The following ANKAR variants were observed in gnomAD, a reference collection of about 807,000 sequenced individuals.
The protein encoded by ANKAR is ankyrin and armadillo repeat containing, also known as ankyrin and armadillo repeat-containing protein.
Under a neutral mutation model 146.2 loss-of-function variants are expected in ANKAR, and 136 were observed. That is an observed-to-expected ratio of 0.93 (90% CI 0.81 to 1.07). The LOEUF (loss-of-function observed/expected upper bound fraction) is 1.07. ANKAR is among the 50% of genes least tolerant of loss of function. The pLI is 0.00. For synonymous variants in ANKAR, 500 were observed against 575.8 expected (o/e 0.87, Z 1.88); for missense variants, 1,567 against 1,679.9 (o/e 0.93, Z 1.18).
chr2:189,680,389 C>T (rs1014912597), intron 2 of ANKAR, among the ~76,000 whole-genome samples: 2 of 151,974 alleles, frequency 1.3e-5, no homozygotes, highest in African/African-American at 4.8e-5. Context: ...AAAAAACCAG[C>T]TTTTTGTTTC....
chr2:189,755,266 TC>T, intron 18 of ANKAR: 4 of 1,613,494 alleles, frequency 2.5e-6, no homozygotes, highest in Non-Finnish European at 3.4e-6. Flanking sequence ...GACAGTGACC[TC>T]CAGAAATCAA....
At chr2:189,749,281 A>C (rs1245359459), downstream of ANKAR, among the ~76,000 whole-genome samples, 1 of 76,630 alleles carries the variant, frequency 1.3e-5, no homozygotes. Flanking sequence ...TATTTTTATT[A>C]CTCCACGGTT....
At chr2:189,750,775 T>C, downstream of ANKAR, 1 of 668,442 alleles carries the variant, frequency 1.5e-6, no homozygotes, top group South Asian at 2.7e-5. Flanking sequence ...TCATCATATG[T>C]GGTGATGATT....
At chr2:189,683,182 G>A (rs1360090174) in intron 2 of ANKAR, among the ~76,000 whole-genome samples, 1 of 152,154 alleles carries the variant, frequency 6.6e-6, no homozygotes, top group Non-Finnish European at 1.5e-5. Context: ...CTTTACAGCT[G>A]TGAGAAATAA....
Position 189,677,346 on chromosome 2 carries a change from A to G in ANKAR, c.601+255A>G, listed in dbSNP as rs574114243. Among the ~76,000 whole-genome samples the G allele has an allele frequency of 5.3e-5, 8 of 152,242 alleles. 1 individual carries two copies. The East Asian group carries it at 1.5e-3, about 29-fold the overall frequency. ...ACAGGTGGTTTTTGGTTACATGGCT[A>G]AGTTCTTTAGTGGTGATTTCTGAGA... On this transcript the variant is annotated intron_variant, in intron 2 of 22. Transcript: ENST00000684021.
intron 2 of ANKAR, among the ~76,000 whole-genome samples, chr2:189,685,120 C>T (rs111533674): frequency 0.044 from 6,628 of 152,118 alleles, 175 homozygotes; most frequent in Middle Eastern, 0.071. Context: ...ATCTTCCTGC[C>T]TCAGCCTCCT....
rs1182247260 is a variant in ANKAR at position 189,728,811 on chromosome 2, C to G, written c.3183C>G (p.Ser1061=). 1 of 1,612,962 alleles carries G rather than the reference C, an allele frequency of 6.2e-7. No individual in the cohort carries two copies. The highest frequency in any genetic ancestry group is 8.5e-7 in the Non-Finnish European group (1 of 1,179,476). Residue 1061 remains serine (S), a synonymous_variant, in exon 15 of 23, where the codon TCC becomes TCG. Transcript: ENST00000684021. ...TLLSVIRAVG[S]ICIGVAHTSN... ...TCAGTGTCATCAGAGCAGTGGGATC[C>G]ATTTGTATTGGTTTGTATACTTATT...
At position 189,676,604 on chromosome 2, in the gene ANKAR, T is replaced by C. The variant is rs572157612; in HGVS notation, c.114T>C (p.Tyr38=). The C allele has an allele frequency of 2.2e-5, 36 of 1,613,712 alleles. No individual in the cohort carries two copies. Among genetic ancestry groups the C allele is most frequent in the Admixed American group, 1.3e-4 (8 of 60,020 alleles). Residue 38 remains tyrosine (Y), a synonymous_variant, in exon 2 of 23, where the codon TAT becomes TAC. Transcript: ENST00000684021. ...QRNASAFFEK[Y]DRSEIQELLT... ...ATGCATCTGCTTTTTTTGAAAAATA[T>C]GATCGGAGTGAAATACAAGAGTTAC...
intron 10 of ANKAR, among the ~76,000 whole-genome samples, chr2:189,715,066 AG>A (rs1208110750): frequency 1.3e-5 from 2 of 152,108 alleles, no homozygotes; most frequent in African/African-American, 2.4e-5. Flanking sequence ...AAAAGCTAAC[AG>A]AAGGTGAGAA....
intron 20 of ANKAR, among the ~76,000 whole-genome samples, 173 bp from the exon 21 acceptor site, chr2:189,743,102 G>C (rs1218744770): frequency 6.6e-6 from 1 of 151,758 alleles, no homozygotes; most frequent in East Asian, 1.9e-4. Flanking sequence ...ACAGCTCTCT[G>C]TAAAAATATG....
chr2:189,730,639 T>G (rs772353568), intron 16 of ANKAR, 38 bp downstream of exon 16: 6 of 1,082,126 alleles, frequency 5.5e-6, no homozygotes, highest in Admixed American at 2.9e-5. Flanking sequence ...ATGGTAAAAA[T>G]TAACAAATAT....
intron 1 of ANKAR, 50 bp from the exon 2 acceptor site, chr2:189,676,406 A>G (rs529759682): frequency 1.1e-4 from 149 of 1,401,556 alleles, no homozygotes; most frequent in Admixed American, 4.9e-4. Context: ...ATCCAGTTTC[A>G]TTGGCATGTC....
chr2:189,682,707 C>T (rs1398358299), intron 2 of ANKAR, among the ~76,000 whole-genome samples: 1 of 152,140 alleles, frequency 6.6e-6, no homozygotes, highest in African/African-American at 2.4e-5. Flanking sequence ...GAAACAAGGA[C>T]GTGAGTCAAG....
intron 19 of ANKAR, among the ~76,000 whole-genome samples, chr2:189,739,403 G>T (rs2043130249): frequency 1.3e-5 from 2 of 152,052 alleles, no homozygotes; most frequent in African/African-American, 4.8e-5. Flanking sequence ...TATGTGCATG[G>T]CAAGGAAGGA....
At chr2:189,760,698 GGGGAATC>G (rs2046913067) in intron 18 of ANKAR, among the ~76,000 whole-genome samples, 3 of 91,508 alleles carry the variant, frequency 3.3e-5, no homozygotes, top group African/African-American at 1.6e-4. Flanking sequence ...GGCTGAGACA[GGGGAATC>G]GTTTGAACTC....
Position 189,676,865 on chromosome 2 carries a change from T to G in ANKAR, c.375T>G (p.Asn125Lys). Residue 125 changes from asparagine (N) to lysine (K), a missense_variant, in exon 2 of 23, where the codon AAT becomes AAG. Coordinates refer to ENST00000684021, the MANE Select transcript of ANKAR (RefSeq NM_001378068.1). ...TCCCTTCCATCAGTTTAGAAGCTAA[T>G]TATGATCAGAGTTCTTCTTGTCAAT... ...NQIPSISLEA[N>K]YDQSSSCQLP... is the part of the protein sequence containing the mutation. The G allele has an allele frequency of 6.2e-7, 1 of 1,614,212 alleles. No individual in the cohort carries two copies. The highest frequency in any genetic ancestry group is 8.5e-7 in the Non-Finnish European group (1 of 1,180,034).
intron 18 of ANKAR, among the ~76,000 whole-genome samples, chr2:189,756,776 T>G (rs2046151960): frequency 6.6e-6 from 1 of 152,134 alleles, no homozygotes; most frequent in Admixed American, 6.5e-5. Context: ...TCAACAGTCT[T>G]CTAATTGTAC....
chr2:189,746,874 A>C (rs529726012), downstream of ANKAR: 4 of 322,364 alleles, frequency 1.2e-5, no homozygotes, highest in Admixed American at 1.9e-4. Context: ...ATTGACTGAC[A>C]TGAGTGGTAT....
intron 2 of ANKAR, among the ~76,000 whole-genome samples, chr2:189,680,480 T>TG (rs2034483401): frequency 6.6e-6 from 1 of 151,936 alleles, no homozygotes; most frequent in African/African-American, 2.4e-5. Context: ...TTCTGCTTGG[T>TG]TTGGGTTTGG....
Sources: gnomAD v4.1 joint callset for allele counts (sites outside exome capture counted in the v4.1 genomes callset) on GRCh38, gnomAD v4.1.1 for gene constraint, MANE v1.5 for transcripts, NCBI Gene and HGNC (gene_info 2026-07-23, HGNC 2026-07-21) for gene names.